Variants in RAB2A observed in about 807,000 individuals in gnomAD.
The protein encoded by RAB2A is ras-related protein Rab-2A.
RAB2A carries 7 observed loss-of-function variants against 32.5 expected under a neutral mutation model. The observed-to-expected ratio is 0.22, with a 90% CI of 0.12 to 0.40. The LOEUF is 0.40. RAB2A is among the 10% of genes least tolerant of loss of function. RAB2A has a pLI of 1.00. For synonymous variants in RAB2A, 79 were observed against 85.2 expected (o/e 0.93, Z 0.40); for missense variants, 108 against 260.7 (o/e 0.41, Z 4.03).
At chr8:60,534,448 TG>T (rs1364992448) in intron 1 of RAB2A, among the ~76,000 whole-genome samples, 1 of 152,180 alleles carries the variant, frequency 6.6e-6, no homozygotes, top group African/African-American at 2.4e-5. Flanking sequence ...CCCTCCAGCC[TG>T]GGCAGTGTAG....
intron 5 of RAB2A, among the ~76,000 whole-genome samples, chr8:60,590,902 AAATTT>A (rs1465084239): frequency 6.6e-6 from 1 of 151,726 alleles, no homozygotes; most frequent in Admixed American, 6.6e-5. Flanking sequence ...TGAAAACACC[AAATTT>A]AGGTAGTGGT....
chr8:60,523,177 C>G (rs1410680552), intron 1 of RAB2A, among the ~76,000 whole-genome samples: 1 of 125,408 alleles, frequency 8.0e-6, no homozygotes, highest in African/African-American at 3.1e-5. Flanking sequence ...TTTTTTTTTT[C>G]TTGAGACAGT....
chr8:60,528,564 A>G (rs999384042), intron 1 of RAB2A, among the ~76,000 whole-genome samples: 4 of 152,172 alleles, frequency 2.6e-5, no homozygotes, highest in African/African-American at 7.2e-5. Context: ...AATAACAAGC[A>G]TGTTATCCTT....
At chr8:60,518,484 C>G (rs752512779) in intron 1 of RAB2A, among the ~76,000 whole-genome samples, 6 of 150,478 alleles carry the variant, frequency 4.0e-5, no homozygotes, top group Non-Finnish European at 8.9e-5. Flanking sequence ...GGTGAAACCC[C>G]GTCTCTACTA....
chr8:60,553,264 CTG>C (rs1455023360), intron 1 of RAB2A, among the ~76,000 whole-genome samples: 2 of 152,152 alleles, frequency 1.3e-5, no homozygotes, highest in Non-Finnish European at 2.9e-5. Flanking sequence ...TCAGGACAGG[CTG>C]TAACCCACAG....
At chr8:60,521,188 G>C (rs183735341) in intron 1 of RAB2A, among the ~76,000 whole-genome samples, 172 of 152,318 alleles carry the variant, frequency 1.1e-3, no homozygotes, top group Non-Finnish European at 2.1e-3. Context: ...GTACACCATT[G>C]AGTGTCAGAT....
intron 6 of RAB2A, among the ~76,000 whole-genome samples, chr8:60,611,569 A>G (rs1349162693): frequency 6.6e-6 from 1 of 152,234 alleles, no homozygotes; most frequent in Non-Finnish European, 1.5e-5. Context: ...ATTCATATTT[A>G]TCTGAGTGTC....
At chr8:60,579,280 T>C (rs942249778) in intron 3 of RAB2A, among the ~76,000 whole-genome samples, 1 of 152,180 alleles carries the variant, frequency 6.6e-6, no homozygotes, top group African/African-American at 2.4e-5. Context: ...TGACCTCAGG[T>C]GATCCATCCG....
chr8:60,563,846 A>G (rs757503996), intron 2 of RAB2A, among the ~76,000 whole-genome samples: 4 of 152,028 alleles, frequency 2.6e-5, no homozygotes, highest in South Asian at 2.1e-4. Context: ...CCCAGATTCA[A>G]CTTTAATAGC....
In RAB2A at chr8:60,586,735, G is replaced by A. The variant is rs1803856125; in HGVS notation, c.362+1920G>A. ...AGTTCAAGACCAGCCTGAGAATGTAGCAAGACCCTATCTCTACAAAAAATA... is the reference window on the plus strand; with the variant it reads ...AGTTCAAGACCAGCCTGAGAATGTAACAAGACCCTATCTCTACAAAAAATA... On this transcript the variant is annotated intron_variant, in intron 5 of 7. Transcript: ENST00000262646. Among the ~76,000 whole-genome samples, 4 of 151,898 alleles carry A rather than the reference G, an allele frequency of 2.6e-5. No homozygotes were observed. In the South Asian group the frequency reaches 8.3e-4, roughly 32 times the overall value.
intron 1 of RAB2A, among the ~76,000 whole-genome samples, chr8:60,521,074 C>A (rs1368212663): frequency 6.6e-6 from 1 of 152,220 alleles, no homozygotes; most frequent in Non-Finnish European, 1.5e-5. Flanking sequence ...CTTCAGCCTC[C>A]CAAAGTGCCA....
chr8:60,596,972 T>C lies in RAB2A; in HGVS notation c.474+5003T>C, dbSNP rs896195763. ...AGATGGTGGAGAGGATGTAGAGAAA[T>C]AGGAACACTTTTACATTGTTGGCGG... On this transcript the variant is annotated intron_variant, in intron 6 of 7. Coordinates refer to ENST00000262646, the MANE Select transcript of RAB2A (RefSeq NM_002865.3). Among the ~76,000 whole-genome samples the C allele has an allele frequency of 2.6e-5, 4 of 151,934 alleles. No homozygotes were observed. In the East Asian group the frequency reaches 7.7e-4, roughly 29 times the overall value.
At chr8:60,583,295 A>G (rs1803793412) in intron 3 of RAB2A, among the ~76,000 whole-genome samples, 1 of 152,308 alleles carries the variant, frequency 6.6e-6, no homozygotes, top group South Asian at 2.1e-4. Context: ...ATGTTTTTGC[A>G]AAAGTAGGAA....
chr8:60,591,262 TTCTC>T (rs896338432), intron 5 of RAB2A, among the ~76,000 whole-genome samples: 3 of 151,618 alleles, frequency 2.0e-5, no homozygotes, highest in African/African-American at 7.3e-5. Flanking sequence ...AGCTTACACT[TTCTC>T]TCTCACTCCG....
chr8:60,559,939 A>G (rs895242461), intron 2 of RAB2A, among the ~76,000 whole-genome samples: 5 of 152,226 alleles, frequency 3.3e-5, no homozygotes, highest in African/African-American at 1.2e-4. Context: ...AGCTACAGGT[A>G]TAGTACTTTG....
At position 60,620,876 on chromosome 8, in the gene RAB2A, C is replaced by A; in HGVS notation, c.*107C>A. On this transcript the variant is annotated 3_prime_UTR_variant, in exon 8 of 8. Transcript: ENST00000262646. ...GAAACTATTTGAAATGGCTTTATGT[C>A]ACAGAAGACTTTAATCCGTCAAATT... 1 of 858,892 alleles carries A rather than the reference C, an allele frequency of 1.2e-6. No homozygotes were observed. Among genetic ancestry groups the A allele is most frequent in the Non-Finnish European group, 1.7e-6 (1 of 573,298 alleles). 53.2% of individuals were successfully genotyped at this position (858,892 alleles called of 1,614,324 possible).
chr8:60,565,340 G>A (rs973478610), intron 2 of RAB2A, among the ~76,000 whole-genome samples: 1 of 149,152 alleles, frequency 6.7e-6, no homozygotes, highest in Admixed American at 6.8e-5. Flanking sequence ...GATTGCTTGA[G>A]CTCAAGAGTT....
chr8:60,558,696 T>C, intron 1 of RAB2A, 156 bp from the exon 2 acceptor site: 1 of 678,186 alleles, frequency 1.5e-6, no homozygotes, highest in Non-Finnish European at 2.6e-6. Context: ...AAATCATCAG[T>C]CCTCTTATTT....
chr8:60,610,510 T>C (rs943732691), intron 6 of RAB2A, among the ~76,000 whole-genome samples: 1 of 152,202 alleles, frequency 6.6e-6, no homozygotes, highest in African/African-American at 2.4e-5. Context: ...CTATTCTGAG[T>C]GTTAAGCCCA....
Sources: gnomAD v4.1 joint callset for allele counts (sites outside exome capture counted in the v4.1 genomes callset) on GRCh38, gnomAD v4.1.1 for gene constraint, MANE v1.5 for transcripts, NCBI Gene and HGNC (gene_info 2026-07-23, HGNC 2026-07-21) for gene names.